The following FOXP1 variants were observed in gnomAD, a reference collection of about 807,000 sequenced individuals.
FOXP1 encodes the protein forkhead box protein P1.
Under a neutral mutation model 98.2 loss-of-function variants are expected in FOXP1, and 15 were observed. That is an observed-to-expected ratio of 0.15 (90% CI 0.10 to 0.24). The LOEUF is 0.24. Ranked by LOEUF, FOXP1 falls within the 10% of genes least tolerant of loss-of-function variation. FOXP1 has a pLI of 1.00. For missense variants in FOXP1, 633 were observed against 848.5 expected, an observed-to-expected ratio of 0.75 and a Z score of 3.15; for synonymous variants, 371 against 314.5, an observed-to-expected ratio of 1.18 and a Z score of -1.90.
At chr3:71,207,009 C>A (rs917741210) in intron 5 of FOXP1, among the ~76,000 whole-genome samples, 1 of 152,166 alleles carries the variant, frequency 6.6e-6, no homozygotes, top group Non-Finnish European at 1.5e-5. Flanking sequence ...TGAAAAGGAG[C>A]TTTGCCAATC....
intron 2 of FOXP1, among the ~76,000 whole-genome samples, chr3:71,558,025 C>T (rs951607443): frequency 6.6e-6 from 1 of 152,098 alleles, no homozygotes; most frequent in Non-Finnish European, 1.5e-5. Flanking sequence ...CTATGTCGGC[C>T]GGGCTGGTGA....
At chr3:71,283,479 T>A (rs370253207) in intron 5 of FOXP1, among the ~76,000 whole-genome samples, 1 of 152,286 alleles carries the variant, frequency 6.6e-6, no homozygotes, top group African/African-American at 2.4e-5. Flanking sequence ...GAGAAGCTTC[T>A]TGGGCTGGAG....
At chr3:71,359,553 C>G (rs956209724) in intron 3 of FOXP1, among the ~76,000 whole-genome samples, 1 of 152,106 alleles carries the variant, frequency 6.6e-6, no homozygotes, top group Admixed American at 6.6e-5. Context: ...ATTTCTATTT[C>G]TTTTCTTTTT....
At chr3:71,265,885 G>A (rs2053657064) in intron 5 of FOXP1, among the ~76,000 whole-genome samples, 1 of 152,122 alleles carries the variant, frequency 6.6e-6, no homozygotes, top group Non-Finnish European at 1.5e-5. Context: ...CAAAAGGCAG[G>A]AGCTCATTTC....
At chr3:71,342,685 T>C (rs1260638345) in intron 4 of FOXP1, among the ~76,000 whole-genome samples, 1 of 113,876 alleles carries the variant, frequency 8.8e-6, no homozygotes, top group African/African-American at 2.9e-5. Flanking sequence ...AGAGACTCCG[T>C]CTAAAAAAAA....
rs138830069 is a variant in FOXP1, at chr3:71,474,365, C to T, written c.-168+19061G>A. ...GAAGAAAGATAAATTATGACTGTCA[C>T]CTGGGTATTTCTAGACAGATTTCTG... On this transcript the variant is annotated intron_variant, in intron 3 of 20. Transcript: ENST00000649528. 3.7e-3 allele frequency among the ~76,000 whole-genome samples: 556 copies of T among 152,258 alleles called. 2 individuals carry two copies. Among genetic ancestry groups the T allele is most frequent in the African/African-American group, 0.013 (523 of 41,548 alleles).
intron 5 of FOXP1, among the ~76,000 whole-genome samples, chr3:71,203,385 T>C (rs2063793098): frequency 6.6e-6 from 1 of 152,246 alleles, no homozygotes; most frequent in South Asian, 2.1e-4. Context: ...CATGCTTATT[T>C]ATTGTTGTTG....
At chr3:71,521,723 G>C (rs2043005935) in intron 2 of FOXP1, among the ~76,000 whole-genome samples, 1 of 152,128 alleles carries the variant, frequency 6.6e-6, no homozygotes, top group Non-Finnish European at 1.5e-5. Context: ...GTTAATTTGA[G>C]TTTTCTGGTT....
At chr3:71,218,590 GTGT>G (rs1249881986) in intron 5 of FOXP1, among the ~76,000 whole-genome samples, 2 of 152,122 alleles carry the variant, frequency 1.3e-5, no homozygotes. Flanking sequence ...TTTTTCTGTG[GTGT>G]TGTACAGTAA....
chr3:71,366,603 A>C (rs368049358), intron 3 of FOXP1, among the ~76,000 whole-genome samples: 1 of 152,224 alleles, frequency 6.6e-6, no homozygotes, highest in Non-Finnish European at 1.5e-5. Flanking sequence ...AATATCCAAA[A>C]TACCTGTTAT....
chr3:71,235,417 T>C (rs1266592342), intron 5 of FOXP1, among the ~76,000 whole-genome samples: 1 of 152,332 alleles, frequency 6.6e-6, no homozygotes, highest in East Asian at 1.9e-4. Flanking sequence ...TTGGCAACCA[T>C]TGAATCTTGA....
chr3:71,287,984 G>A (rs559839863), intron 5 of FOXP1, among the ~76,000 whole-genome samples: 4 of 151,624 alleles, frequency 2.6e-5, no homozygotes, highest in Admixed American at 2.0e-4. Context: ...GGGTTCAAGC[G>A]ATTCTCCTGC....
At chr3:71,320,709 T>C (rs1323125877) in intron 4 of FOXP1, among the ~76,000 whole-genome samples, 1 of 152,200 alleles carries the variant, frequency 6.6e-6, no homozygotes, top group Non-Finnish European at 1.5e-5. Context: ...ATGAATAAAG[T>C]AAAAGCTGAT....
chr3:71,238,467 G>A (rs1467028537), intron 5 of FOXP1, among the ~76,000 whole-genome samples: 1 of 152,114 alleles, frequency 6.6e-6, no homozygotes, highest in Non-Finnish European at 1.5e-5. Flanking sequence ...CAAGGAAAGG[G>A]AAGATTCAAG....
intron 6 of FOXP1, among the ~76,000 whole-genome samples, chr3:71,138,011 A>T (rs1245951190): frequency 6.6e-6 from 1 of 152,116 alleles, no homozygotes; most frequent in African/African-American, 2.4e-5. Flanking sequence ...TTATCTTTTC[A>T]CAGTTCTTGG....
At chr3:71,134,983 G>C (rs1241511491) in intron 6 of FOXP1, among the ~76,000 whole-genome samples, 1 of 152,134 alleles carries the variant, frequency 6.6e-6, no homozygotes, top group East Asian at 1.9e-4. Flanking sequence ...CCCCGGCCAG[G>C]CACGGTGGCT....
At position 71,526,422 on chromosome 3, in the gene FOXP1, G is replaced by C. The variant is rs563523351; in HGVS notation, c.-297-32867C>G. The stretch of plus-strand genomic sequence containing the variant: ...CAAACAATCCCTGCTGAAAGGTACA[G>C]TCAGTAATAGTCTAAACACAAACTA... On this transcript the variant is annotated intron_variant, in intron 2 of 20. Coordinates refer to ENST00000649528, the MANE Select transcript of FOXP1 (RefSeq NM_001349338.3). 2.2e-3 allele frequency among the ~76,000 whole-genome samples: 335 copies of C among 152,312 alleles called. 2 individuals are homozygous for C. Among genetic ancestry groups the C allele is most frequent in the Middle Eastern group, 0.014 (4 of 294 alleles).
chr3:71,153,907 A>T (rs1218451784), intron 6 of FOXP1, among the ~76,000 whole-genome samples: 3 of 152,192 alleles, frequency 2.0e-5, no homozygotes, highest in Admixed American at 2.0e-4. Flanking sequence ...AATAACATTT[A>T]TTGGGCCCCT....
rs537642111 is a variant in FOXP1 at position 70,959,025 on chromosome 3, G to A, written c.*222C>T. The A allele has an allele frequency of 6.8e-5, 36 of 530,924 alleles. No individual in the cohort carries two copies. The South Asian group carries it at 7.4e-4, about 11-fold the overall frequency. 32.9% of individuals were successfully genotyped at this position (530,924 alleles called of 1,614,324 possible). ...CAAACAAGTCCATCCAATGCACAGA[G>A]TACAAATTCCTTTTTTCAACAAAAA... is the stretch of plus-strand genomic sequence containing the variant. On this transcript the variant is annotated 3_prime_UTR_variant, in exon 21 of 21. Coordinates refer to ENST00000649528, the MANE Select transcript of FOXP1 (RefSeq NM_001349338.3).
Sources: allele counts gnomAD v4.1 joint callset (sites outside exome capture counted in the v4.1 genomes callset), GRCh38; gene constraint gnomAD v4.1.1; transcripts MANE v1.5; gene names NCBI Gene and HGNC (gene_info 2026-07-23, HGNC 2026-07-21).